The following TMEM114 variants were observed in gnomAD, a reference collection of about 807,000 sequenced individuals.
TMEM114 encodes the protein claudin-26.
In TMEM114, 6 loss-of-function variants were observed where a neutral mutation model predicts 6.2. The ratio of observed to expected loss-of-function variants is 0.97; its 90% CI spans 0.53 to 1.91. TMEM114 has a LOEUF of 1.91. TMEM114 is among the 40% of genes most tolerant of loss of function. The pLI, the probability that TMEM114 is intolerant of heterozygous loss-of-function variation, is 0.01. For synonymous variants in TMEM114, 104 were observed against 73.0 expected (o/e 1.42, Z -2.16); for missense variants, 218 against 158.3 (o/e 1.38, Z -2.02).
chr16:8,561,356 C>T lies in TMEM114; in HGVS notation n.213-23530G>A, dbSNP rs150656538. On this transcript the variant is annotated intron_variant and non_coding_transcript_variant, in intron 2 of 2. Coordinates refer to the TMEM114 transcript ENST00000623677. Reference sequence around the variant, plus strand: ...TTTTCATCGTACAACACACTCTTCCCTGCCACCTTCTCCCCATCTGCTTTA... The same window carrying T: ...TTTTCATCGTACAACACACTCTTCCTTGCCACCTTCTCCCCATCTGCTTTA... 3.9e-5 allele frequency among the ~76,000 whole-genome samples: 6 copies of T among 152,360 alleles called. No individual in the cohort carries two copies. The East Asian group carries it at 9.6e-4, about 24-fold the overall frequency.
intron 2 of TMEM114, among the ~76,000 whole-genome samples, chr16:8,539,376 G>A (rs1020434891): frequency 4.6e-5 from 7 of 152,170 alleles, no homozygotes; most frequent in Admixed American, 1.3e-4. Context: ...CACTTACCCA[G>A]AATACTTGCC....
intron 2 of TMEM114, among the ~76,000 whole-genome samples, chr16:8,585,029 A>G: frequency 6.6e-6 from 1 of 152,154 alleles, no homozygotes; most frequent in East Asian, 1.9e-4. Context: ...ATGGACTCAC[A>G]GTTCCACATG....
chr16:8,557,058 A>C (rs1016854695), intron 2 of TMEM114, among the ~76,000 whole-genome samples: 2 of 152,018 alleles, frequency 1.3e-5, no homozygotes, highest in African/African-American at 4.8e-5. Flanking sequence ...AACAGGATAC[A>C]CTCAGAGAGG....
chr16:8,543,660 C>A (rs932517283), intron 2 of TMEM114, among the ~76,000 whole-genome samples: 5 of 152,146 alleles, frequency 3.3e-5, no homozygotes, highest in African/African-American at 1.2e-4. Context: ...CTGCCTTGGG[C>A]TCCTAGAGCC....
At chr16:8,584,323 CA>C (rs1902248433) in intron 2 of TMEM114, among the ~76,000 whole-genome samples, 1 of 152,060 alleles carries the variant, frequency 6.6e-6, no homozygotes, top group South Asian at 2.1e-4. Flanking sequence ...CATTCTAGAC[CA>C]TAGCTCTTTA....
intron 2 of TMEM114, among the ~76,000 whole-genome samples, chr16:8,558,777 G>A (rs1901100506): frequency 6.7e-6 from 1 of 150,272 alleles, no homozygotes; most frequent in Non-Finnish European, 1.5e-5. Context: ...AGTTTACTCT[G>A]TCACCCAGGC....
intron 2 of TMEM114, among the ~76,000 whole-genome samples, chr16:8,562,052 G>GTAAATGAGTGAGTGAA (rs1293124404): frequency 1.3e-5 from 2 of 150,768 alleles, no homozygotes; most frequent in Non-Finnish European, 2.9e-5. Flanking sequence ...GAGTGAGTGA[G>GTAAATGAGTGAGTGAA]TGAATGAGTG....
downstream of TMEM114, among the ~76,000 whole-genome samples, chr16:8,565,166 CATGGATGG>C (rs1228655384): frequency 9.9e-5 from 15 of 151,984 alleles, no homozygotes; most frequent in African/African-American, 3.6e-4. Flanking sequence ...TGGATGGATG[CATGGATGG>C]ATGAGTGAAT....
downstream of TMEM114, among the ~76,000 whole-genome samples, chr16:8,568,241 C>T (rs1205615923): frequency 6.6e-6 from 1 of 152,186 alleles, no homozygotes; most frequent in African/African-American, 2.4e-5. Context: ...CATGTGGCAC[C>T]CCAGAGAGCA....
intron 2 of TMEM114, among the ~76,000 whole-genome samples, chr16:8,554,580 T>G (rs548138736): frequency 6.6e-6 from 1 of 152,290 alleles, no homozygotes; most frequent in African/African-American, 2.4e-5. Context: ...TGCTTCTCTT[T>G]CGCTCCCCAC....
At chr16:8,555,974 C>G (rs772906899) in intron 2 of TMEM114, among the ~76,000 whole-genome samples, 2 of 152,196 alleles carry the variant, frequency 1.3e-5, no homozygotes, top group African/African-American at 2.4e-5. Context: ...GTGTCTGAAG[C>G]GCTGTCTTCC....
chr16:8,570,740 G>A (rs897909759), intron 3 of TMEM114, among the ~76,000 whole-genome samples: 5 of 152,000 alleles, frequency 3.3e-5, no homozygotes, highest in South Asian at 2.1e-4. Context: ...CCTGGCCCAC[G>A]GTGGTTCTCC....
At chr16:8,541,252 A>G (rs1170327219) in intron 2 of TMEM114, among the ~76,000 whole-genome samples, 1 of 152,178 alleles carries the variant, frequency 6.6e-6, no homozygotes, top group Non-Finnish European at 1.5e-5. Flanking sequence ...GCTACCAAGG[A>G]CGTGAACCAC....
Position 8,569,645 on chromosome 16 carries a change from G to A in TMEM114, c.*128C>T. On this transcript the variant is annotated 3_prime_UTR_variant, in exon 4 of 4. Coordinates refer to ENST00000620492, the MANE Select transcript of TMEM114 (RefSeq NM_001146336.2). ...AAGCTTAGTCCGCGGGGATTTGTGG[G>A]GGAAGGAGGGGGGTGCCTGGCCTCC... The A allele has an allele frequency of 6.9e-7, 1 of 1,439,342 alleles. No homozygotes were observed. Among genetic ancestry groups the A allele is most frequent in the Admixed American group, 2.8e-5 (1 of 36,160 alleles). 89.2% of individuals were successfully genotyped at this position (1,439,342 alleles called of 1,614,324 possible).
chr16:8,541,940 G>C (rs1451981224), intron 2 of TMEM114, among the ~76,000 whole-genome samples: 1 of 152,192 alleles, frequency 6.6e-6, no homozygotes, highest in Non-Finnish European at 1.5e-5. Context: ...AAAGGGCTTA[G>C]AGAGATGTAG....
chr16:8,567,642 A>G (rs1350370140), downstream of TMEM114, among the ~76,000 whole-genome samples: 1 of 152,124 alleles, frequency 6.6e-6, no homozygotes. Context: ...AGAACAACCA[A>G]AACTGTCTCC....
At chr16:8,550,710 A>AAG (rs1567197323) in intron 2 of TMEM114, among the ~76,000 whole-genome samples, 20 of 150,490 alleles carry the variant, frequency 1.3e-4, no homozygotes, top group African/African-American at 3.4e-4. Flanking sequence ...CAAAAAAAAA[A>AAG]AGCAAGCAAA....
chr16:8,535,159 T>C (rs7498800), downstream of TMEM114, among the ~76,000 whole-genome samples: 88,215 of 151,966 alleles, frequency 0.58, 25,647 homozygotes, highest in South Asian at 0.68. Flanking sequence ...AACAGGGGCA[T>C]ATATTGGAAC....
At chr16:8,556,592 C>G (rs889965950) in intron 2 of TMEM114, among the ~76,000 whole-genome samples, 1 of 152,022 alleles carries the variant, frequency 6.6e-6, no homozygotes, top group Non-Finnish European at 1.5e-5. Context: ...ACCTCCGCCT[C>G]CCGAGATCAA....
Sources: gnomAD v4.1 joint callset for allele counts (sites outside exome capture counted in the v4.1 genomes callset) on GRCh38, gnomAD v4.1.1 for gene constraint, MANE v1.5 for transcripts, NCBI Gene and HGNC (gene_info 2026-07-23, HGNC 2026-07-21) for gene names.